The following SHISAL1 variants were observed in gnomAD, a reference collection of about 807,000 sequenced individuals.
SHISAL1 encodes the protein protein shisa-like-1.
A neutral mutation model predicts 22.6 loss-of-function variants in SHISAL1; 9 were observed. The ratio of observed to expected loss-of-function variants is 0.40; its 90% CI spans 0.24 to 0.70. SHISAL1 has a LOEUF of 0.70. Ranked by LOEUF, SHISAL1 falls within the 30% of genes least tolerant of loss-of-function variation. The pLI is 0.39. For missense variants in SHISAL1, 246 were observed against 270.6 expected (o/e 0.91, Z 0.64); for synonymous variants, 119 against 115.4 (o/e 1.03, Z -0.20).
chr22:44,285,788 G>A, intron 3 of SHISAL1, 43 bp from the exon 4 acceptor site: 1 of 1,510,828 alleles, frequency 6.6e-7, no homozygotes, highest in Non-Finnish European at 9.1e-7. Context: ...GAGGGGAGCA[G>A]TCCAGCTCAG....
intron 4 of SHISAL1, among the ~76,000 whole-genome samples, chr22:44,282,433 T>C (rs1419203897): frequency 6.6e-6 from 1 of 152,108 alleles, no homozygotes; most frequent in Non-Finnish European, 1.5e-5. Context: ...CCTGCGGTGG[T>C]CCTTGACCCA....
Position 44,266,528 on chromosome 22 carries a change from A to ATGTGTGTGTGTGTGTGTGTGTGTG in SHISAL1, c.*-16867_*-16844dup, listed in dbSNP as rs11473448. ...ATGTGTGTGTTGGGGGCTTTGGGGT[A>ATGTGTGTGTGTGTGTGTGTGTGTG]TGTGTGTGTGTGTGTGTGTGTGTGT... On this transcript the variant is annotated intron_variant, in intron 4 of 4. Coordinates refer to ENST00000381176, the MANE Select transcript of SHISAL1 (RefSeq NM_001099294.2). 2.0e-3 allele frequency among the ~76,000 whole-genome samples: 213 copies of ATGTGTGTGTGTGTGTGTGTGTGTG among 108,388 alleles called. 4 individuals carry two copies. The highest frequency in any genetic ancestry group is 6.3e-3 in the South Asian group (18 of 2,870). 71.1% of individuals were successfully genotyped at this position (108,388 alleles called of 152,430 possible). A position where few individuals can be genotyped will look rare whatever the true frequency, so the allele number is the denominator to read the frequency against.
chr22:44,272,059 G>C (rs1455066402), intron 4 of SHISAL1, among the ~76,000 whole-genome samples: 1 of 152,148 alleles, frequency 6.6e-6, no homozygotes, highest in African/African-American at 2.4e-5. Flanking sequence ...GGTCTCTCCC[G>C]GGGCAGGATT....
At chr22:44,270,158 C>T (rs1185724395) in intron 4 of SHISAL1, among the ~76,000 whole-genome samples, 1 of 152,242 alleles carries the variant, frequency 6.6e-6, no homozygotes. Flanking sequence ...GAAGTCTCCA[C>T]ACTTCGCTGG....
At chr22:44,285,268 C>G (rs1046324686) in intron 4 of SHISAL1, among the ~76,000 whole-genome samples, 160 bp downstream of exon 4, 8 of 152,216 alleles carry the variant, frequency 5.3e-5, no homozygotes, top group African/African-American at 1.9e-4. Context: ...GTGTTGTAGG[C>G]TACCCATAAC....
chr22:44,328,185 G>A, the SHISAL1 span, among the ~76,000 whole-genome samples: 106 of 152,256 alleles, frequency 7.0e-4, no homozygotes, highest in African/African-American at 2.4e-3. Flanking sequence ...AGACTGCGGG[G>A]CCCCTGCCCC....
intron 4 of SHISAL1, among the ~76,000 whole-genome samples, chr22:44,272,833 T>C (rs1347428204): frequency 6.6e-6 from 1 of 152,188 alleles, no homozygotes; most frequent in Non-Finnish European, 1.5e-5. Flanking sequence ...AGAAACACAT[T>C]GGCTGTAATC....
chr22:44,289,496 T>TGTGTGTGTGTGTGTGTGTG lies in SHISAL1; in HGVS notation c.282-3752_282-3751insCACACACACACACACACAC, dbSNP rs768987294. Among the ~76,000 whole-genome samples the TGTGTGTGTGTGTGTGTGTG allele has an allele frequency of 6.6e-3, 912 of 137,838 alleles. 7 individuals carry two copies. Among genetic ancestry groups the TGTGTGTGTGTGTGTGTGTG allele is most frequent in the East Asian group, 0.019 (85 of 4,494 alleles). 90.4% of individuals were successfully genotyped at this position (137,838 alleles called of 152,430 possible). Reference sequence around the variant, plus strand: ...TGTGTGTGTGTGTGTGTGTGTGTGTTTACTGCCGGGCTCCTGGCCTCTGCA... The same window carrying TGTGTGTGTGTGTGTGTGTG: ...TGTGTGTGTGTGTGTGTGTGTGTGTTGTGTGTGTGTGTGTGTGTGTACTGCCGGGCTCCTGGCCTCTGCA... On this transcript the variant is annotated intron_variant, in intron 3 of 4. Transcript: ENST00000381176.
In SHISAL1 at chr22:44,248,883, G is replaced by T. The variant is rs2055025605; in HGVS notation, c.*802C>A. On this transcript the variant is annotated 3_prime_UTR_variant, in exon 5 of 5. Transcript: ENST00000381176. ...CCCCACTGTGAGTTTTTCTGCAGGGGGTTAATCATACCTGCCTCCCAGGTG... is the reference window on the plus strand; with the variant it reads ...CCCCACTGTGAGTTTTTCTGCAGGGTGTTAATCATACCTGCCTCCCAGGTG... The T allele has an allele frequency of 6.6e-6, 1 of 152,162 alleles. No individual in the cohort carries two copies. The highest frequency in any genetic ancestry group is 2.4e-5 in the African/African-American group (1 of 41,416). The allele number at this position is 152,162 out of a possible 1,614,324, so 9.4% of individuals were successfully genotyped here.
intron 4 of SHISAL1, among the ~76,000 whole-genome samples, chr22:44,250,356 C>A (rs1432531903): frequency 6.6e-6 from 1 of 152,088 alleles, no homozygotes; most frequent in Non-Finnish European, 1.5e-5. Flanking sequence ...AAAGAAGAGA[C>A]CAAGGTGCTC....
At chr22:44,325,298 C>T in the SHISAL1 span, among the ~76,000 whole-genome samples, 1 of 151,506 alleles carries the variant, frequency 6.6e-6, no homozygotes, top group African/African-American at 2.4e-5. Context: ...GAAGGCTGAA[C>T]CTGGACCTTC....
chr22:44,251,055 T>G (rs1388129501), intron 4 of SHISAL1, among the ~76,000 whole-genome samples: 2 of 152,220 alleles, frequency 1.3e-5, no homozygotes, highest in Non-Finnish European at 2.9e-5. Context: ...CCAGGTACTC[T>G]CCATCACCCA....
At position 44,263,722 on chromosome 22, in the gene SHISAL1, G is replaced by A. The variant is rs145961848; in HGVS notation, c.*-14037C>T. Among the ~76,000 whole-genome samples, 1,209 of 152,302 alleles carry A rather than the reference G, an allele frequency of 7.9e-3. 13 individuals are homozygous for A. Among genetic ancestry groups the A allele is most frequent in the African/African-American group, 0.028 (1,153 of 41,564 alleles). ...TTGCATCTGGAAGGGGCCACAAGCC[G>A]AGGAATGTGGGCACCTCTGGGAACT... On this transcript the variant is annotated intron_variant, in intron 4 of 4. Transcript: ENST00000381176.
intron 4 of SHISAL1, among the ~76,000 whole-genome samples, chr22:44,252,213 G>T (rs9614407): frequency 0.089 from 13,571 of 152,082 alleles, 636 homozygotes; most frequent in East Asian, 0.12. Flanking sequence ...TATAGTTGGG[G>T]GTCTAAAGAA....
At chr22:44,316,746 C>T (rs1043818510), upstream of SHISAL1, among the ~76,000 whole-genome samples, 15 of 152,174 alleles carry the variant, frequency 9.9e-5, no homozygotes, top group South Asian at 2.1e-4. Context: ...TCAGAGGCTG[C>T]GCGCTAACCC....
intron 4 of SHISAL1, among the ~76,000 whole-genome samples, chr22:44,252,627 TTAA>T (rs2055055784): frequency 9.8e-6 from 1 of 102,196 alleles, no homozygotes. Flanking sequence ...ACACACTTGC[TTAA>T]AAAAAAAAAA....
the SHISAL1 span, among the ~76,000 whole-genome samples, chr22:44,317,963 G>A: frequency 2.0e-5 from 3 of 152,262 alleles, no homozygotes; most frequent in Admixed American, 2.0e-4. Context: ...TTCCCGAGCT[G>A]GGCTCTGCCA....
At chr22:44,305,438 G>T (rs913374137) in intron 1 of SHISAL1, among the ~76,000 whole-genome samples, 1 of 152,246 alleles carries the variant, frequency 6.6e-6, no homozygotes, top group Admixed American at 6.5e-5. Flanking sequence ...CGCAGACCCA[G>T]GGTCCAGAGC....
At chr22:44,252,590 C>T (rs911939270) in intron 4 of SHISAL1, among the ~76,000 whole-genome samples, 21 of 130,314 alleles carry the variant, frequency 1.6e-4, no homozygotes, top group African/African-American at 6.1e-4. Flanking sequence ...AATGCATCTG[C>T]CATATCAGTA....
Sources: gnomAD v4.1 joint callset for allele counts (sites outside exome capture counted in the v4.1 genomes callset) on GRCh38, gnomAD v4.1.1 for gene constraint, MANE v1.5 for transcripts, NCBI Gene and HGNC (gene_info 2026-07-23, HGNC 2026-07-21) for gene names.